Variants in CNNM2 observed in about 807,000 individuals in gnomAD.
The protein encoded by CNNM2 is metal transporter CNNM2.
A neutral mutation model predicts 66.9 loss-of-function variants in CNNM2; 12 were observed. That is an observed-to-expected ratio of 0.18 (90% CI 0.11 to 0.29). CNNM2 has a LOEUF of 0.29. Ranked by LOEUF, CNNM2 falls within the 10% of genes least tolerant of loss-of-function variation. CNNM2 has a pLI of 1.00. For synonymous variants in CNNM2, 557 were observed against 501.8 expected (o/e 1.11, Z -1.47); for missense variants, 705 against 1,167.7 (o/e 0.60, Z 5.77).
At chr10:102,967,768 G>C (rs545898220) in intron 1 of CNNM2, among the ~76,000 whole-genome samples, 2 of 152,204 alleles carry the variant, frequency 1.3e-5, no homozygotes, top group Admixed American at 6.5e-5. Flanking sequence ...CAGCACTTTG[G>C]GGGGCCGAGG....
chr10:103,062,019 G>T (rs1271203466), intron 4 of CNNM2, among the ~76,000 whole-genome samples: 1 of 152,128 alleles, frequency 6.6e-6, no homozygotes, highest in East Asian at 1.9e-4. Context: ...ATCCTAAACT[G>T]GTAGCCTCCC....
intron 1 of CNNM2, among the ~76,000 whole-genome samples, chr10:102,993,794 C>T (rs1052928910): frequency 1.3e-5 from 2 of 152,126 alleles, no homozygotes; most frequent in African/African-American, 4.8e-5. Context: ...GTATACTTTT[C>T]CTTCCTTCCT....
chr10:103,089,560 T>C lies in CNNM2; in HGVS notation c.*12380T>C. On this transcript the variant is annotated 3_prime_UTR_variant, in exon 8 of 8. Coordinates refer to ENST00000369878, the MANE Select transcript of CNNM2 (RefSeq NM_017649.5). The stretch of plus-strand genomic sequence containing the variant: ...TCTTCAGAAACTTTTCAGACGTACC[T>C]TTCATGGAGCCCCCTCCCTCCCCCG... The C allele has an allele frequency of 7.0e-7, 1 of 1,423,630 alleles. No individual in the cohort carries two copies. The allele number at this position is 1,423,630 out of a possible 1,614,324, so 88.2% of individuals were successfully genotyped here.
intron 1 of CNNM2, among the ~76,000 whole-genome samples, chr10:103,019,659 G>A (rs190077429): frequency 8.0e-4 from 122 of 152,160 alleles, no homozygotes; most frequent in Non-Finnish European, 4.3e-4. Flanking sequence ...TGGAGGTGGC[G>A]GTTAAGGGAA....
At chr10:103,021,839 T>A (rs1812543477) in intron 1 of CNNM2, among the ~76,000 whole-genome samples, 1 of 152,218 alleles carries the variant, frequency 6.6e-6, no homozygotes, top group South Asian at 2.1e-4. Context: ...AAATACTGGT[T>A]CCTAGAGGTA....
At chr10:102,974,363 G>T (rs537089510) in intron 1 of CNNM2, among the ~76,000 whole-genome samples, 8 of 152,148 alleles carry the variant, frequency 5.3e-5, no homozygotes, top group Non-Finnish European at 8.8e-5. Context: ...TTGACTGGAC[G>T]AATGTAGATC....
chr10:103,071,631 A>G (rs1473437367), intron 5 of CNNM2, 143 bp from the exon 6 acceptor site: 3 of 758,952 alleles, frequency 4.0e-6, no homozygotes, highest in East Asian at 2.5e-5. Context: ...TTTTGTTTCT[A>G]TAATACCATA....
At position 103,077,022 on chromosome 10, in the gene CNNM2, A is replaced by C. The variant is rs773267460; in HGVS notation, c.2470A>C (p.Thr824Pro). ...NALMASRMDK[T>P]PQSSDSENTK... Reference sequence around the variant, plus strand: ...CTTGATGGCATCCCGGATGGACAAAACCCCCCAGTCTTCAGACAGTGAAAA... The same window carrying C: ...CTTGATGGCATCCCGGATGGACAAACCCCCCCAGTCTTCAGACAGTGAAAA... The change falls in exon 8 of 8, where the codon ACC (threonine) becomes CCC (proline). Residue 824 changes from threonine to proline, a missense_variant. Around this residue, in one of 9 missense-constraint regions of CNNM2, gnomAD observed 194 missense variants for 227.6 expected, o/e 0.85. Transcript: ENST00000369878. 3 of 1,613,622 alleles carry C rather than the reference A, an allele frequency of 1.9e-6. No individual in the cohort carries two copies. The highest frequency in any genetic ancestry group is 2.5e-6 in the Non-Finnish European group (3 of 1,179,840).
intron 1 of CNNM2, among the ~76,000 whole-genome samples, chr10:103,008,953 C>T (rs1244015367): frequency 2.0e-5 from 3 of 152,056 alleles, no homozygotes; most frequent in Non-Finnish European, 2.9e-5. Flanking sequence ...CTGATATACT[C>T]AACTGTGGGA....
At chr10:102,979,606 A>G (rs1435761380) in intron 1 of CNNM2, among the ~76,000 whole-genome samples, 7 of 152,164 alleles carry the variant, frequency 4.6e-5, no homozygotes, top group Non-Finnish European at 8.8e-5. Flanking sequence ...CCCACCAGGG[A>G]CTTTGTTTTT....
intron 1 of CNNM2, among the ~76,000 whole-genome samples, chr10:103,007,361 G>T (rs974937791): frequency 1.3e-5 from 2 of 152,110 alleles, no homozygotes; most frequent in African/African-American, 4.8e-5. Flanking sequence ...AGAAAACAGG[G>T]CTCCAGAGCA....
chr10:103,032,028 G>A lies in CNNM2; in HGVS notation c.1622-17679G>A, dbSNP rs189301377. ...CAAGCCTGCGTGAACTAGTCACTGC[G>A]GCAGTGGAGGGAGTGAGCACTGGGG... On this transcript the variant is annotated intron_variant, in intron 1 of 7. Coordinates refer to ENST00000369878, the MANE Select transcript of CNNM2 (RefSeq NM_017649.5). Among the ~76,000 whole-genome samples the A allele has an allele frequency of 4.3e-4, 66 of 152,352 alleles. No individual in the cohort carries two copies. In the East Asian group the frequency reaches 0.012, roughly 28 times the overall value.
At chr10:102,977,250 A>G (rs912695527) in intron 1 of CNNM2, among the ~76,000 whole-genome samples, 1 of 151,242 alleles carries the variant, frequency 6.6e-6, no homozygotes, top group Non-Finnish European at 1.5e-5. Flanking sequence ...AGCATTTTGG[A>G]TTTTTTTTTA....
chr10:103,021,572 C>G (rs771059324), intron 1 of CNNM2, among the ~76,000 whole-genome samples: 1 of 152,046 alleles, frequency 6.6e-6, no homozygotes, highest in Non-Finnish European at 1.5e-5. Flanking sequence ...CGCTTTCGCT[C>G]GATTTTGACA....
rs2066069179 is a variant in CNNM2 at position 103,089,065 on chromosome 10, G to A, written c.*11885G>A. 4.5e-6 allele frequency: 1 copy of A among 221,462 alleles called. No individual in the cohort carries two copies. The highest frequency in any genetic ancestry group is 2.2e-5 in the African/African-American group (1 of 44,736). The allele number at this position is 221,462 out of a possible 1,614,324, so 13.7% of individuals were successfully genotyped here. ...GGATACTGTCTTTTCCCTCAAAATAGAATCCTGCCCTAAAGCAACGCAAGT... is the reference window on the plus strand; with the variant it reads ...GGATACTGTCTTTTCCCTCAAAATAAAATCCTGCCCTAAAGCAACGCAAGT... On this transcript the variant is annotated 3_prime_UTR_variant, in exon 8 of 8. Transcript: ENST00000369878.
At chr10:103,073,835 G>T (rs2134368075) in intron 6 of CNNM2, among the ~76,000 whole-genome samples, 1 of 122,728 alleles carries the variant, frequency 8.1e-6, no homozygotes, top group South Asian at 2.6e-4. Flanking sequence ...GCAGTCCGCA[G>T]TCTGGCCTGG....
intron 1 of CNNM2, among the ~76,000 whole-genome samples, chr10:103,004,452 C>T (rs946925758): frequency 2.0e-5 from 3 of 152,086 alleles, no homozygotes; most frequent in Admixed American, 6.5e-5. Context: ...AAGTGTGTGC[C>T]AGGAAGTGGA....
chr10:103,045,375 C>T (rs890153541), intron 1 of CNNM2, among the ~76,000 whole-genome samples: 7 of 152,084 alleles, frequency 4.6e-5, no homozygotes, highest in Non-Finnish European at 7.4e-5. Flanking sequence ...ACACAGCTGC[C>T]TAGAAGGGGG....
intron 3 of CNNM2, among the ~76,000 whole-genome samples, 180 bp from the exon 4 acceptor site, chr10:103,056,615 C>G (rs760390433): frequency 1.1e-4 from 16 of 152,374 alleles, no homozygotes; most frequent in Admixed American, 8.5e-4. Flanking sequence ...GAGAATTCAG[C>G]ACTTTCTAAT....
Sources: allele counts gnomAD v4.1 joint callset (sites outside exome capture counted in the v4.1 genomes callset), GRCh38; gene constraint gnomAD v4.1.1; regional missense constraint gnomAD v4.1.1; transcripts MANE v1.5; gene names NCBI Gene and HGNC (gene_info 2026-07-23, HGNC 2026-07-21).